The following ATP2C1 variants were observed in gnomAD, a reference collection of about 807,000 sequenced individuals.
ATP2C1 encodes calcium-transporting ATPase type 2C member 1.
A neutral mutation model predicts 120.5 loss-of-function variants in ATP2C1; 31 were observed. The observed-to-expected ratio is 0.26, with a 90% CI of 0.19 to 0.35. ATP2C1 has a LOEUF of 0.35. Ranked by LOEUF, ATP2C1 falls within the 10% of genes least tolerant of loss-of-function variation. The pLI is 1.00. For missense variants in ATP2C1, 731 were observed against 1,107.5 expected (o/e 0.66, Z 4.83); for synonymous variants, 351 against 358.7 (o/e 0.98, Z 0.24).
chr3:130,915,374 A>C (rs989947265), intron 2 of ATP2C1, among the ~76,000 whole-genome samples: 1 of 152,160 alleles, frequency 6.6e-6, no homozygotes, highest in Non-Finnish European at 1.5e-5. Flanking sequence ...AATTACAGGT[A>C]TGAGCTACTG....
intron 2 of ATP2C1, among the ~76,000 whole-genome samples, chr3:130,896,617 C>G (rs1269620380): frequency 6.6e-6 from 1 of 152,044 alleles, no homozygotes; most frequent in Non-Finnish European, 1.5e-5. Flanking sequence ...AGTTTTCATC[C>G]TTCTTTGATA....
At chr3:130,891,540 G>GAA (rs2069168094), upstream of ATP2C1, among the ~76,000 whole-genome samples, 3 of 152,194 alleles carry the variant, frequency 2.0e-5, no homozygotes, top group South Asian at 6.2e-4. Context: ...AAGGAGAGTA[G>GAA]AAAGAATTTT....
intron 11 of ATP2C1, among the ~76,000 whole-genome samples, chr3:130,958,735 T>G (rs1020112675): frequency 1.2e-4 from 18 of 152,284 alleles, no homozygotes; most frequent in African/African-American, 4.1e-4. Context: ...AGTAGTGATT[T>G]TTAGATGTTA....
At chr3:130,972,706 C>T (rs986991427) in intron 17 of ATP2C1, among the ~76,000 whole-genome samples, 4 of 145,834 alleles carry the variant, frequency 2.7e-5, no homozygotes, top group Non-Finnish European at 6.0e-5. Context: ...TGAGTGAGAA[C>T]ATGCGGTGTT....
intron 20 of ATP2C1, among the ~76,000 whole-genome samples, chr3:130,983,187 G>T (rs1338246872): frequency 6.6e-6 from 1 of 151,984 alleles, no homozygotes; most frequent in East Asian, 1.9e-4. Context: ...GTTCCTTTAA[G>T]GATAATGACA....
chr3:130,916,307 T>C (rs1333233117), intron 2 of ATP2C1, among the ~76,000 whole-genome samples: 1 of 151,014 alleles, frequency 6.6e-6, no homozygotes, highest in Non-Finnish European at 1.5e-5. Context: ...TCCCAGCTAC[T>C]TGGGAGGCTG....
chr3:130,873,198 T>C (rs985379078), intron 1 of ATP2C1, among the ~76,000 whole-genome samples: 2 of 152,166 alleles, frequency 1.3e-5, no homozygotes, highest in Admixed American at 6.5e-5. Context: ...GGTAACTAAA[T>C]AAACAGAGCA....
rs972734224 is a variant in ATP2C1, at chr3:130,975,253, A to G, written c.1414-79A>G. 9.1e-5 allele frequency: 125 copies of G among 1,376,184 alleles called. 1 individual carries two copies. The Admixed American group carries it at 2.1e-3, about 23-fold the overall frequency. 85.2% of individuals were successfully genotyped at this position (1,376,184 alleles called of 1,614,324 possible). On this transcript the variant is annotated intron_variant, in intron 17 of 27. Transcript: ENST00000510168. ...CTTCTCTGGGAATTATGAGAAATGA[A>G]TGCCACTTAATTTTGGACTCCAATG...
In ATP2C1 at chr3:130,894,324, G is replaced by T; in HGVS notation, c.-194G>T. On this transcript the variant is annotated 5_prime_UTR_variant, in exon 1 of 28. Transcript: ENST00000510168. The surrounding 1 kb of genome is among the most constrained non-coding windows in gnomAD (Gnocchi z 4.5). ...AGACCCCGCAGCCTGGAGGAGGGCT[G>T]TCCGGGGCTTTGGGTGGGTACCAGT... 1.0e-6 allele frequency: 1 copy of T among 994,912 alleles called. No homozygotes were observed. The highest frequency in any genetic ancestry group is 5.7e-5 in the Admixed American group (1 of 17,472). 61.6% of individuals were successfully genotyped at this position (994,912 alleles called of 1,614,324 possible).
chr3:130,990,579 G>C (rs1386254770), intron 20 of ATP2C1, among the ~76,000 whole-genome samples: 1 of 152,170 alleles, frequency 6.6e-6, no homozygotes, highest in African/African-American at 2.4e-5. Flanking sequence ...CATTTGTTTT[G>C]AGAGAGATGT....
intron 1 of ATP2C1, among the ~76,000 whole-genome samples, chr3:130,884,437 C>T (rs1349525896): frequency 6.6e-6 from 1 of 152,170 alleles, no homozygotes; most frequent in Non-Finnish European, 1.5e-5. Flanking sequence ...TGGTCTGTCC[C>T]TGAGACTACT....
At chr3:130,934,483 A>C in intron 4 of ATP2C1, 139 bp from the exon 5 acceptor site, 2 of 637,712 alleles carry the variant, frequency 3.1e-6, no homozygotes, top group Non-Finnish European at 5.6e-6. Context: ...TGTTAATTGA[A>C]GAGATACATA....
intron 1 of ATP2C1, among the ~76,000 whole-genome samples, chr3:130,853,462 A>G (rs1330321388): frequency 3.3e-5 from 5 of 152,152 alleles, no homozygotes; most frequent in African/African-American, 4.8e-5. Context: ...AGTACCAACC[A>G]TGTTGACTTC....
chr3:130,904,846 C>T (rs530704405), intron 2 of ATP2C1, among the ~76,000 whole-genome samples: 1 of 152,072 alleles, frequency 6.6e-6, no homozygotes, highest in Non-Finnish European at 1.5e-5. Context: ...AAGTACTGTC[C>T]TCTTTACTTA....
intron 1 of ATP2C1, among the ~76,000 whole-genome samples, chr3:130,857,335 T>C (rs2067873614): frequency 6.6e-6 from 1 of 152,192 alleles, no homozygotes; most frequent in Admixed American, 6.5e-5. Context: ...CTCCCAAATA[T>C]GTCTTCACTA....
At chr3:130,914,914 G>A (rs1368007543) in intron 2 of ATP2C1, among the ~76,000 whole-genome samples, 1 of 152,178 alleles carries the variant, frequency 6.6e-6, no homozygotes. Context: ...ATATTCTGCA[G>A]TTGTTATAAT....
chr3:130,977,248 C>G (rs578094782), intron 18 of ATP2C1, among the ~76,000 whole-genome samples: 3 of 152,260 alleles, frequency 2.0e-5, no homozygotes, highest in African/African-American at 7.2e-5. Flanking sequence ...TCCCCTGATT[C>G]ACCTGATTCT....
At chr3:130,909,811 G>A (rs1026674268) in intron 2 of ATP2C1, among the ~76,000 whole-genome samples, 1 of 151,862 alleles carries the variant, frequency 6.6e-6, no homozygotes, top group Non-Finnish European at 1.5e-5. Context: ...CTTAGCATCT[G>A]GTATGTTAGT....
At chr3:130,958,357 T>C (rs1328079030) in intron 11 of ATP2C1, among the ~76,000 whole-genome samples, 1 of 152,168 alleles carries the variant, frequency 6.6e-6, no homozygotes, top group Non-Finnish European at 1.5e-5. Flanking sequence ...TGAGTGTGGC[T>C]ATGTTCCAAC....
Sources: gnomAD v4.1 joint callset for allele counts (sites outside exome capture counted in the v4.1 genomes callset) on GRCh38, gnomAD v4.1.1 for gene constraint, Gnocchi (gnomAD v3.1) non-coding constraint, MANE v1.5 for transcripts, NCBI Gene and HGNC (gene_info 2026-07-23, HGNC 2026-07-21) for gene names.